Variants in FAT1 observed in about 807,000 individuals in gnomAD.
The protein encoded by FAT1 is protocadherin Fat 1.
In FAT1, 171 loss-of-function variants were observed where a neutral mutation model predicts 329.8. The observed-to-expected ratio is 0.52, with a 90% CI of 0.46 to 0.59. The LOEUF (loss-of-function observed/expected upper bound fraction) is 0.59. Ranked by LOEUF, FAT1 falls within the 20% of genes least tolerant of loss-of-function variation. The pLI, the probability that FAT1 is intolerant of heterozygous loss-of-function variation, is 0.00. For missense variants in FAT1, 5,672 were observed against 5,774.4 expected (o/e 0.98, Z 0.57); for synonymous variants, 2,233 against 2,228.6 (o/e 1.00, Z -0.06).
rs955286606 is a variant in FAT1 at position 186,635,913 on chromosome 4, C to T, written c.4183+112G>A. ...AGTTGAAAGCAAATTCTCCACCTGT[C>T]GATCTTATTCCCAATTTTAAATCCT... On this transcript the variant is annotated intron_variant, in intron 6 of 26. Coordinates refer to ENST00000441802, the MANE Select transcript of FAT1 (RefSeq NM_005245.4). 59 of 885,136 alleles carry T rather than the reference C, an allele frequency of 6.7e-5. No individual in the cohort carries two copies. The African/African-American group carries it at 8.3e-4, about 12-fold the overall frequency. The allele number at this position is 885,136 out of a possible 1,614,324, so 54.8% of individuals were successfully genotyped here. A position where few individuals can be genotyped will look rare whatever the true frequency, so the allele number is the denominator to read the frequency against.
chr4:186,663,751 C>G (rs1264024051), intron 2 of FAT1, 138 bp from the exon 3 acceptor site: 2 of 632,748 alleles, frequency 3.2e-6, no homozygotes, highest in Non-Finnish European at 2.7e-6. Flanking sequence ...GGTTAACCAG[C>G]CTTTCTGTGA....
At chr4:186,616,914 G>T in intron 11 of FAT1, 91 bp downstream of exon 11, 1 of 1,167,606 alleles carries the variant, frequency 8.6e-7, no homozygotes, top group Non-Finnish European at 1.2e-6. Flanking sequence ...AAACACATGT[G>T]AATTACACCA....
At chr4:186,594,682 A>ATG (rs1738415326) in intron 26 of FAT1, among the ~76,000 whole-genome samples, 1 of 96,874 alleles carries the variant, frequency 1.0e-5, no homozygotes, top group African/African-American at 3.6e-5. Context: ...GAAAGTATAT[A>ATG]TATATATATA....
rs965223305 is a variant in FAT1, at chr4:186,698,851, G to A, written c.3265+7712C>T. Among the ~76,000 whole-genome samples the A allele has an allele frequency of 5.3e-5, 8 of 152,232 alleles. No individual in the cohort carries two copies. The East Asian group carries it at 5.8e-4, about 11-fold the overall frequency. On this transcript the variant is annotated intron_variant, in intron 2 of 26. Coordinates refer to ENST00000441802, the MANE Select transcript of FAT1 (RefSeq NM_005245.4). The stretch of plus-strand genomic sequence containing the variant: ...ATGAACACCTCAGCTCAAGAATCAC[G>A]TCTGTATTGTCAGAATGCCTCCTAA...
chr4:186,699,116 G>A (rs1744176113), intron 2 of FAT1, among the ~76,000 whole-genome samples: 1 of 152,112 alleles, frequency 6.6e-6, no homozygotes, highest in South Asian at 2.1e-4. Context: ...AATAGGGCCT[G>A]TACACGGCAA....
At chr4:186,680,136 A>G (rs1743143298) in intron 2 of FAT1, among the ~76,000 whole-genome samples, 1 of 152,230 alleles carries the variant, frequency 6.6e-6, no homozygotes, top group African/African-American at 2.4e-5. Flanking sequence ...TACTGAAGAC[A>G]TTTGACAGAT....
At position 186,588,343 on chromosome 4, in the gene FAT1, G is replaced by C; in HGVS notation, c.*249C>G. ...ACAACACAGGACTGATTTTTCGTTT[G>C]ATTATTTTAACACAGACAGATGTAA... is the stretch of plus-strand genomic sequence containing the variant. On this transcript the variant is annotated 3_prime_UTR_variant, in exon 27 of 27. Transcript: ENST00000441802. 1 of 470,524 alleles carries C rather than the reference G, an allele frequency of 2.1e-6. No homozygotes were observed. The allele number at this position is 470,524 out of a possible 1,614,324, so 29.1% of individuals were successfully genotyped here.
intron 11 of FAT1, among the ~76,000 whole-genome samples, chr4:186,616,004 C>T (rs1219233260): frequency 1.3e-5 from 2 of 152,060 alleles, no homozygotes; most frequent in Admixed American, 6.5e-5. Context: ...CGGCCTTGGT[C>T]GCTCCCCCTA....
chr4:186,619,691 C>T lies in FAT1; in HGVS notation c.6895G>A (p.Gly2299Arg), dbSNP rs2126508165. The change falls in exon 10 of 27, where the codon GGA becomes AGA. Residue 2299 changes from glycine (G) to arginine (R), a missense_variant. Physicochemically the swap from Gly to Arg is moderately radical, Grantham distance 125. This residue lies in a region of FAT1 where 3,966 missense variants were observed against 3,915.2 expected (regional missense o/e 1.01). Transcript: ENST00000441802. ...GCTCTAACTTGAACAACAGACGTTC[C>T]AATTACAGATGCCTCAGACAGGGTC... ...AVTLSEASVI[G>R]TSVVQVRATD... is the part of the protein sequence containing the mutation. 6.2e-7 allele frequency: 1 copy of T among 1,613,970 alleles called. No individual in the cohort carries two copies. Among genetic ancestry groups the T allele is most frequent in the East Asian group, 2.2e-5 (1 of 44,872 alleles).
At position 186,621,167 on chromosome 4, in the gene FAT1, G is replaced by A. The variant is rs1454275689; in HGVS notation, c.5419C>T (p.Leu1807Phe). 2.1e-5 allele frequency: 34 copies of A among 1,613,850 alleles called. No homozygotes were observed. Among genetic ancestry groups the A allele is most frequent in the Non-Finnish European group, 2.8e-5 (33 of 1,179,914 alleles). ...ADADKDSNAL[L>F]VYHIVEPSVH... ...GATGGTTCAACAATGTGATATACAA[G>A]CAAAGCATTTGAGTCTTTATCAGCA... is the stretch of plus-strand genomic sequence containing the variant. The change falls in exon 10 of 27, where the codon CTT becomes TTT. Residue 1807 changes from leucine (L) to phenylalanine (F), a missense_variant. Coordinates refer to ENST00000441802, the MANE Select transcript of FAT1 (RefSeq NM_005245.4).
Position 186,619,939 on chromosome 4 carries a change from T to C in FAT1, c.6647A>G (p.Tyr2216Cys), listed in dbSNP as rs1403621739. ...GAAAGGGTCTCCGTCTGTGATGCTGTAGAACACTTTCAGGCCTTCCGGGCT... is the reference window on the plus strand; with the variant it reads ...GAAAGGGTCTCCGTCTGTGATGCTGCAGAACACTTTCAGGCCTTCCGGGCT... ...ANSPEGLKVF[Y>C]SITDGDPFSQ... The change falls in exon 10 of 27, where the codon TAC becomes TGC. Residue 2216 changes from tyrosine to cysteine, a missense_variant. By Grantham distance (194) the Tyr-to-Cys change is radical. Coordinates refer to ENST00000441802, the MANE Select transcript of FAT1 (RefSeq NM_005245.4). 1.2e-6 allele frequency: 2 copies of C among 1,613,906 alleles called. No homozygotes were observed. Among genetic ancestry groups the C allele is most frequent in the East Asian group, 2.2e-5 (1 of 44,882 alleles).
chr4:186,678,643 T>C (rs977705885), intron 2 of FAT1, among the ~76,000 whole-genome samples: 8 of 149,218 alleles, frequency 5.4e-5, no homozygotes, highest in Non-Finnish European at 7.4e-5. Context: ...TACTTTTATA[T>C]ACATATTACA....
chr4:186,637,376 A>G (rs753632041), intron 4 of FAT1, among the ~76,000 whole-genome samples: 8 of 152,230 alleles, frequency 5.3e-5, no homozygotes, highest in Non-Finnish European at 8.8e-5. Context: ...GTTAAACTTC[A>G]TCAGTAAAAT....
At chr4:186,681,455 G>A (rs1176291131) in intron 2 of FAT1, among the ~76,000 whole-genome samples, 1 of 152,148 alleles carries the variant, frequency 6.6e-6, no homozygotes, top group Non-Finnish European at 1.5e-5. Context: ...ATTCAAGACA[G>A]AAACTGGCTA....
chr4:186,664,060 A>G (rs1742315313), intron 2 of FAT1, among the ~76,000 whole-genome samples: 1 of 152,096 alleles, frequency 6.6e-6, no homozygotes, highest in South Asian at 2.1e-4. Context: ...ACAACACCAG[A>G]GCCATGGCCC....
At chr4:186,590,806 A>C (rs1419712380) in intron 26 of FAT1, 1 of 387,634 alleles carries the variant, frequency 2.6e-6, no homozygotes, top group Non-Finnish European at 5.1e-6. Context: ...CTACAGCTAC[A>C]TAATGCACAC....
intron 2 of FAT1, among the ~76,000 whole-genome samples, chr4:186,692,566 C>T (rs2126662200): frequency 6.6e-6 from 1 of 152,318 alleles, no homozygotes; most frequent in African/African-American, 2.4e-5. Context: ...CCCGCCTCGG[C>T]CTCCCAAAGT....
intron 9 of FAT1, among the ~76,000 whole-genome samples, chr4:186,626,225 A>C (rs1311248838): frequency 1.0e-5 from 1 of 99,430 alleles, no homozygotes; most frequent in Non-Finnish European, 2.1e-5. Flanking sequence ...CAGCCTACAG[A>C]ATGAATGAAT....
rs772649459 is a variant in FAT1 at position 186,707,174 on chromosome 4, C to A, written c.2654G>T (p.Arg885Leu). 63 of 1,613,778 alleles carry A rather than the reference C, an allele frequency of 3.9e-5. No homozygotes were observed. The highest frequency in any genetic ancestry group is 4.7e-5 in the Non-Finnish European group (56 of 1,179,892). The change falls in exon 2 of 27, where the codon CGA becomes CTA. Residue 885 changes from arginine (R) to leucine (L), a missense_variant. By Grantham distance (102) the Arg-to-Leu change is moderately radical. Transcript: ENST00000441802. ...TAAGGAGTGCTCATGCTGCAGCTCT[C>A]GATCCAGAGGGCGTGCGATGTTAAC... ...GVVNIARPLD[R>L]ELQHEHSLKI...
Sources: allele counts gnomAD v4.1 joint callset (sites outside exome capture counted in the v4.1 genomes callset), GRCh38; gene constraint gnomAD v4.1.1; regional missense constraint gnomAD v4.1.1; transcripts MANE v1.5; gene names NCBI Gene and HGNC (gene_info 2026-07-23, HGNC 2026-07-21).